Variants in CHD7 observed in about 807,000 individuals in gnomAD.
CHD7 encodes chromodomain helicase DNA binding protein 7.
Under a neutral mutation model 307.3 loss-of-function variants are expected in CHD7, and 24 were observed. The observed-to-expected ratio is 0.08, with a 90% CI of 0.06 to 0.11. The LOEUF (loss-of-function observed/expected upper bound fraction) is 0.11. CHD7 is among the 10% of genes least tolerant of loss of function. CHD7 has a pLI of 1.00. For synonymous variants in CHD7, 1,363 were observed against 1,349.9 expected (o/e 1.01, Z -0.21); for missense variants, 3,106 against 3,727.1 (o/e 0.83, Z 4.34).
chr8:60,698,441 C>A (rs1806596749), intron 1 of CHD7, among the ~76,000 whole-genome samples: 1 of 152,086 alleles, frequency 6.6e-6, no homozygotes, highest in Non-Finnish European at 1.5e-5. Flanking sequence ...AAAGATTTCT[C>A]AAATATATAA....
chr8:60,729,799 T>C (rs1808350537), intron 1 of CHD7, among the ~76,000 whole-genome samples: 1 of 152,240 alleles, frequency 6.6e-6, no homozygotes, highest in Non-Finnish European at 1.5e-5. Context: ...TATATTACAG[T>C]CTCTTTGCTA....
intron 3 of CHD7, among the ~76,000 whole-genome samples, chr8:60,787,026 A>G (rs1811521967): frequency 6.6e-6 from 1 of 152,162 alleles, no homozygotes; most frequent in Non-Finnish European, 1.5e-5. Context: ...GCAAATCAAG[A>G]AAAAAGACAC....
intron 34 of CHD7, among the ~76,000 whole-genome samples, chr8:60,858,507 A>G (rs1367800064): frequency 6.6e-6 from 1 of 152,202 alleles, no homozygotes; most frequent in Non-Finnish European, 1.5e-5. Context: ...GTTGACTGAT[A>G]AATTCTTTCT....
At chr8:60,850,463 G>T in intron 25 of CHD7, 30 bp from the exon 26 acceptor site, 2 of 1,581,670 alleles carry the variant, frequency 1.3e-6, no homozygotes, top group Non-Finnish European at 1.7e-6. Flanking sequence ...GTTTCTGTGT[G>T]TTTTCTGTGC....
intron 1 of CHD7, among the ~76,000 whole-genome samples, chr8:60,717,201 CATT>C (rs1414261241): frequency 6.6e-6 from 1 of 152,050 alleles, no homozygotes; most frequent in Non-Finnish European, 1.5e-5. Context: ...ATTAGAATAA[CATT>C]AGTTTACTGT....
At chr8:60,807,043 T>G (rs982472816) in intron 6 of CHD7, among the ~76,000 whole-genome samples, 1 of 152,024 alleles carries the variant, frequency 6.6e-6, no homozygotes, top group Non-Finnish European at 1.5e-5. Context: ...AGAAAAAAAA[T>G]TAGGTTTAAC....
chr8:60,791,654 A>T (rs1186587314), intron 3 of CHD7, among the ~76,000 whole-genome samples: 1 of 152,142 alleles, frequency 6.6e-6, no homozygotes. Context: ...TCCTTTCTCC[A>T]CCGGTCTGAT....
Position 60,853,280 on chromosome 8 carries a change from G to A in CHD7, c.6555G>A (p.Glu2185=), listed in dbSNP as rs1320581422. 6.2e-7 allele frequency: 1 copy of A among 1,611,762 alleles called. No individual in the cohort carries two copies. Among genetic ancestry groups the A allele is most frequent in the South Asian group, 1.1e-5 (1 of 90,990 alleles). Residue 2185 remains glutamate (E), a synonymous_variant, in exon 31 of 38, where the codon GAG becomes GAA. Transcript: ENST00000423902. The part of the protein sequence containing the change: ...VEEPENPAAK[E]KCEGKEEEEE... ...AGCCTGAAAACCCAGCTGCCAAGGAGAAATGTGAGGGCAAAGAAGAGGAAG... is the reference window on the plus strand; with the variant it reads ...AGCCTGAAAACCCAGCTGCCAAGGAAAAATGTGAGGGCAAAGAAGAGGAAG...
intron 2 of CHD7, among the ~76,000 whole-genome samples, chr8:60,776,518 C>A (rs374620662): frequency 6.6e-6 from 1 of 152,186 alleles, no homozygotes; most frequent in African/African-American, 2.4e-5. Flanking sequence ...CTGCCTCCCC[C>A]TCTCTCTCAG....
intron 1 of CHD7, among the ~76,000 whole-genome samples, chr8:60,737,502 G>T (rs1808770423): frequency 6.6e-6 from 1 of 152,214 alleles, no homozygotes; most frequent in Admixed American, 6.5e-5. Context: ...TGGATTAGAA[G>T]GTCTTCAGAG....
intron 1 of CHD7, among the ~76,000 whole-genome samples, chr8:60,734,186 T>C (rs1045354683): frequency 6.6e-6 from 1 of 152,244 alleles, no homozygotes; most frequent in Non-Finnish European, 1.5e-5. Context: ...GAGTGGTCAG[T>C]GTGCTATCCT....
Position 60,808,280 on chromosome 8 carries a change from A to C in CHD7, c.2498+8A>C, listed in dbSNP as rs774609026. 2.7e-6 allele frequency: 4 copies of C among 1,506,022 alleles called. No individual in the cohort carries two copies. In the South Asian group the frequency reaches 4.7e-5, roughly 18 times the overall value. 93.3% of individuals were successfully genotyped at this position (1,506,022 alleles called of 1,614,324 possible). On this transcript the variant is annotated splice_region_variant and intron_variant, in intron 7 of 37. Transcript: ENST00000423902. The stretch of plus-strand genomic sequence containing the variant: ...TGTGAAATACAAAAACTTGTAAGTA[A>C]ATTGTGATTCTGTTTTTAATGGGGG...
At chr8:60,743,588 CTG>C (rs1809171613) in intron 2 of CHD7, among the ~76,000 whole-genome samples, 1 of 152,188 alleles carries the variant, frequency 6.6e-6, no homozygotes, top group African/African-American at 2.4e-5. Flanking sequence ...ATTTTACTAA[CTG>C]TTGACTTTGT....
intron 2 of CHD7, among the ~76,000 whole-genome samples, chr8:60,767,810 T>C (rs1002089303): frequency 2.6e-5 from 4 of 152,210 alleles, no homozygotes; most frequent in Non-Finnish European, 5.9e-5. Flanking sequence ...ACTTCAGAGG[T>C]TCACAAACAT....
At chr8:60,723,300 C>A (rs561565396) in intron 1 of CHD7, among the ~76,000 whole-genome samples, 62 of 152,128 alleles carry the variant, frequency 4.1e-4, no homozygotes, top group Non-Finnish European at 4.4e-5. Flanking sequence ...TTATTTTGTT[C>A]ATTTTTGAAA....
intron 1 of CHD7, among the ~76,000 whole-genome samples, chr8:60,699,194 CTGG>C (rs1223709201): frequency 6.6e-6 from 1 of 152,190 alleles, no homozygotes; most frequent in East Asian, 1.9e-4. Context: ...GAACATTTTG[CTGG>C]TGGTATCTTG....
At chr8:60,795,170 T>G in intron 4 of CHD7, 43 bp downstream of exon 4, 1 of 1,594,132 alleles carries the variant, frequency 6.3e-7, no homozygotes, top group Non-Finnish European at 8.6e-7. Flanking sequence ...TTATTTGGCA[T>G]GGGTAACTTT....
chr8:60,853,210 T>C lies in CHD7; in HGVS notation c.6485T>C (p.Ile2162Thr), dbSNP rs1362379706. The change falls in exon 31 of 38, where the codon ATT becomes ACT. Residue 2162 changes from isoleucine to threonine, a missense_variant. By Grantham distance (89) the Ile-to-Thr change is moderately conservative. This residue lies in a region of CHD7 where 1,030 missense variants were observed against 1,165.4 expected (regional missense o/e 0.88). Transcript: ENST00000423902. ...CCTCCAGTCATCTCATCTGCTCATA[T>C]TCAAGATGAGAGGGTACTGGAACAA... ...QTPPVISSAH[I>T]QDERVLEQAE... 2 of 1,613,808 alleles carry C rather than the reference T, an allele frequency of 1.2e-6. No homozygotes were observed. Among genetic ancestry groups the C allele is most frequent in the Non-Finnish European group, 1.7e-6 (2 of 1,179,872 alleles).
rs886063023 is a variant in CHD7 at position 60,678,764 on chromosome 8, C to CGCGGCGGCGGCGGCGGCGGCG, written c.-487_-467dup. 239 of 138,160 alleles carry CGCGGCGGCGGCGGCGGCGGCG rather than the reference C, an allele frequency of 1.7e-3. 2 individuals are homozygous for CGCGGCGGCGGCGGCGGCGGCG. Among genetic ancestry groups the CGCGGCGGCGGCGGCGGCGGCG allele is most frequent in the Admixed American group, 7.2e-3 (103 of 14,244 alleles). The allele number at this position is 138,160 out of a possible 1,614,324, so 8.6% of individuals were successfully genotyped here. A position where few individuals can be genotyped will look rare whatever the true frequency, so the allele number is the denominator to read the frequency against. ...CGCGCAGGCGCTGGCGTGCTGGGGC[C>CGCGGCGGCGGCGGCGGCGGCG]GCGGCGGCGGCGGCGGCGGCGGCGG... On this transcript the variant is annotated 5_prime_UTR_variant, in exon 1 of 38. Coordinates refer to ENST00000423902, the MANE Select transcript of CHD7 (RefSeq NM_017780.4).
Sources: gnomAD v4.1 joint callset for allele counts (sites outside exome capture counted in the v4.1 genomes callset) on GRCh38, gnomAD v4.1.1 for gene constraint, gnomAD v4.1.1 regional missense constraint, MANE v1.5 for transcripts, NCBI Gene and HGNC (gene_info 2026-07-23, HGNC 2026-07-21) for gene names.